Variants in COL6A2 observed in about 807,000 individuals in gnomAD.
COL6A2 encodes the protein collagen type VI alpha 2 chain, also known as collagen alpha-2(VI) chain.
Under a neutral mutation model 124.9 loss-of-function variants are expected in COL6A2, and 90 were observed. That is an observed-to-expected ratio of 0.72 (90% confidence interval 0.61 to 0.86). The LOEUF (loss-of-function observed/expected upper bound fraction) is 0.86, where lower values mean the gene tolerates loss of function less well. Among genes scored for constraint, COL6A2 ranks in the 40% least tolerant of loss-of-function variants. COL6A2 has a pLI of 0.00. For synonymous variants in COL6A2, 793 were observed against 618.2 expected, an observed-to-expected ratio of 1.28 and a Z score of -4.19; for missense variants, 1,607 against 1,502.5, an observed-to-expected ratio of 1.07 and a Z score of -1.15.
Position 46,124,900 on chromosome 21 carries a change from C to G in COL6A2, c.1750C>G (p.Pro584Ala), listed in dbSNP as rs779979272. The G allele has an allele frequency of 9.3e-6, 15 of 1,612,946 alleles. No homozygotes were observed. The highest frequency in any genetic ancestry group is 2.2e-5 in the South Asian group (2 of 91,074). ...VPGPEGEPGP[P>A]GDPGLTECDV... ...CCTTCCCCAGGGTGAGCCCGGCCCC[C>G]CTGGAGACCCCGGTCTCACGGTAGG... The change falls in exon 23 of 28, where the codon CCT becomes GCT. Residue 584 changes from proline (P) to alanine (A), a missense_variant. Physicochemically the swap from Pro to Ala is conservative, Grantham distance 27. Coordinates refer to ENST00000300527, the MANE Select transcript of COL6A2 (RefSeq NM_001849.4).
At position 46,132,796 on chromosome 21, in the gene COL6A2, C is replaced by T. The variant is rs938815140; in HGVS notation, c.*244C>T. ...CAGCCATCCCAAGGCTCCTGACCTA[C>T]CTGGCCCCTGAGCTCTGGAGCAAGC... On this transcript the variant is annotated 3_prime_UTR_variant, in exon 28 of 28. Transcript: ENST00000300527. 1.6e-5 allele frequency: 9 copies of T among 579,642 alleles called. No homozygotes were observed. The highest frequency in any genetic ancestry group is 9.1e-5 in the Admixed American group (3 of 33,110). 35.9% of individuals were successfully genotyped at this position (579,642 alleles called of 1,614,324 possible). A position where few individuals can be genotyped will look rare whatever the true frequency, so the allele number is the denominator to read the frequency against.
intron 1 of COL6A2, among the ~76,000 whole-genome samples, chr21:46,108,285 C>T (rs1028623297): frequency 6.6e-6 from 1 of 152,074 alleles, no homozygotes; most frequent in Admixed American, 6.5e-5. Context: ...GCACTGTTTG[C>T]CCCCACCCCA....
At chr21:46,130,940 C>T (rs1451518023) in intron 27 of COL6A2, among the ~76,000 whole-genome samples, 2 of 152,258 alleles carry the variant, frequency 1.3e-5, no homozygotes, top group Non-Finnish European at 1.5e-5. Context: ...GGCTGCGGTG[C>T]AGCGTGAGGT....
In COL6A2 at chr21:46,132,038, TCCA is replaced by T. The variant is rs2078767063; in HGVS notation, c.2548_2550del (p.His850del). Reference sequence around the variant, plus strand: ...TCCGAGCGGCTGGGTGAGCAGAACTTCCACAAGGCCCGGCGCTTCGTGGAGCAG... The same window carrying T: ...TCCGAGCGGCTGGGTGAGCAGAACTTCAAGGCCCGGCGCTTCGTGGAGCAG... On this transcript the variant is annotated inframe_deletion, in exon 28 of 28. Coordinates refer to ENST00000300527, the MANE Select transcript of COL6A2 (RefSeq NM_001849.4). 1 of 1,608,518 alleles carries T rather than the reference TCCA, an allele frequency of 6.2e-7. No homozygotes were observed. Among genetic ancestry groups the T allele is most frequent in the Non-Finnish European group, 8.5e-7 (1 of 1,179,234 alleles).
At chr21:46,127,251 C>G (rs140603084) in intron 27 of COL6A2, among the ~76,000 whole-genome samples, 15 of 152,216 alleles carry the variant, frequency 9.9e-5, no homozygotes, top group Admixed American at 2.0e-4. Flanking sequence ...TGGGAGGGTC[C>G]GACCTGGAGG....
chr21:46,108,266 G>A (rs755396656), intron 1 of COL6A2, among the ~76,000 whole-genome samples: 18 of 152,108 alleles, frequency 1.2e-4, no homozygotes, highest in Middle Eastern at 6.8e-3. Context: ...GAATGGTAGC[G>A]TAAGATCTGC....
At chr21:46,104,828 G>A (rs996666170) in intron 1 of COL6A2, among the ~76,000 whole-genome samples, 1 of 152,166 alleles carries the variant, frequency 6.6e-6, no homozygotes, top group African/African-American at 2.4e-5. Flanking sequence ...AAAACTATTA[G>A]CAGATTTCTG....
chr21:46,123,713 G>A (rs113834838), intron 21 of COL6A2, among the ~76,000 whole-genome samples: 1 of 87,570 alleles, frequency 1.1e-5, no homozygotes, highest in Non-Finnish European at 2.4e-5. Context: ...AGATGGATGG[G>A]TGGGTGGGCG....
chr21:46,124,278 TAGATGGATGGGTGATTGGGCGAA>T (rs1231042855), intron 21 of COL6A2, among the ~76,000 whole-genome samples: 60 of 151,602 alleles, frequency 4.0e-4, no homozygotes, highest in East Asian at 7.8e-4. Flanking sequence ...GCTGGGTGGA[TAGATGGATGGGTGATTGGGCGAA>T]TGGGCGAATG....
At chr21:46,127,410 G>A (rs2078689042) in intron 27 of COL6A2, among the ~76,000 whole-genome samples, 1 of 152,162 alleles carries the variant, frequency 6.6e-6, no homozygotes, top group African/African-American at 2.4e-5. Flanking sequence ...GGCTGCCCCA[G>A]GGGAGGAGCC....
chr21:46,128,646 C>T (rs957270413), intron 27 of COL6A2, among the ~76,000 whole-genome samples: 2 of 152,218 alleles, frequency 1.3e-5, no homozygotes, highest in Non-Finnish European at 2.9e-5. Flanking sequence ...GCGCAATCAG[C>T]GATAAGAGCT....
At chr21:46,130,048 G>A (rs2123682042) in intron 27 of COL6A2, among the ~76,000 whole-genome samples, 1 of 152,280 alleles carries the variant, frequency 6.6e-6, no homozygotes, top group African/African-American at 2.4e-5. Flanking sequence ...CCCGTGCATG[G>A]TGACTCGTGG....
chr21:46,116,226 C>G lies in COL6A2; in HGVS notation c.901-151C>G. 1 of 1,155,606 alleles carries G rather than the reference C, an allele frequency of 8.7e-7. No homozygotes were observed. Among genetic ancestry groups the G allele is most frequent in the Non-Finnish European group, 1.3e-6 (1 of 792,132 alleles). 71.6% of individuals were successfully genotyped at this position (1,155,606 alleles called of 1,614,324 possible). On this transcript the variant is annotated intron_variant, in intron 7 of 27. Transcript: ENST00000300527. The surrounding 1 kb of genome is among the most constrained non-coding windows in gnomAD (Gnocchi z 4.6). ...CCCAAAACCCAGCCTCCAGCCCGAC[C>G]CAGGGCTCAGCCTCCTCCGCAGACT...
At position 46,116,724 on chromosome 21, in the gene COL6A2, C is replaced by T. The variant is rs1215980362; in HGVS notation, c.955-46C>T. On this transcript the variant is annotated intron_variant, in intron 9 of 27. Transcript: ENST00000300527. The surrounding 1 kb of genome is among the most constrained non-coding windows in gnomAD (Gnocchi z 4.6). ...AGCCCCTCCTTCCTGCTGCTCAGGG[C>T]AGAAGGACCGGGGCTAATGGAGTTC... is the stretch of plus-strand genomic sequence containing the variant. The T allele has an allele frequency of 7.4e-6, 12 of 1,612,928 alleles. No homozygotes were observed. The highest frequency in any genetic ancestry group is 1.3e-5 in the African/African-American group (1 of 74,924).
intron 27 of COL6A2, chr21:46,129,738 C>A: frequency 7.3e-7 from 1 of 1,370,976 alleles, no homozygotes; most frequent in Non-Finnish European, 9.4e-7. Context: ...TTTATAAGAA[C>A]CCTGGTCATT....
chr21:46,128,985 G>A (rs905787109), intron 27 of COL6A2: 7 of 1,607,840 alleles, frequency 4.4e-6, no homozygotes, highest in Non-Finnish European at 5.9e-6. Flanking sequence ...GGGTCTCCTA[G>A]CTCCCTGCCA....
intron 27 of COL6A2, among the ~76,000 whole-genome samples, chr21:46,126,922 A>T (rs2078679450): frequency 6.6e-6 from 1 of 152,084 alleles, no homozygotes; most frequent in Admixed American, 6.5e-5. Flanking sequence ...TCAGTGAGTG[A>T]AACCATCCCG....
At chr21:46,120,466 GC>G in intron 15 of COL6A2, 48 bp from the exon 16 acceptor site, 1 of 1,474,786 alleles carries the variant, frequency 6.8e-7, no homozygotes, top group South Asian at 1.2e-5. Context: ...TGGGACCCAG[GC>G]CGGAGGCCTC....
Position 46,126,804 on chromosome 21 carries a change from T to C in COL6A2, c.2461+263T>C, listed in dbSNP as rs532767341. Among the ~76,000 whole-genome samples the C allele has an allele frequency of 8.5e-5, 13 of 152,310 alleles. No homozygotes were observed. The South Asian group carries it at 1.9e-3, about 22-fold the overall frequency. On this transcript the variant is annotated intron_variant, in intron 27 of 27. Coordinates refer to ENST00000300527, the MANE Select transcript of COL6A2 (RefSeq NM_001849.4). ...TGCTAGCCTGGCGCTGTGCTCGGCA[T>C]GTGGCCACTGGTCTTGAAGGCCCAC...
Sources: gnomAD v4.1 joint callset for allele counts (sites outside exome capture counted in the v4.1 genomes callset) on GRCh38, gnomAD v4.1.1 for gene constraint, Gnocchi (gnomAD v3.1) non-coding constraint, MANE v1.5 for transcripts, NCBI Gene and HGNC (gene_info 2026-07-23, HGNC 2026-07-21) for gene names.